Variants in ANKRD66 observed in about 807,000 individuals in gnomAD.
ANKRD66 encodes ankyrin repeat domain 66.
ANKRD66 carries 10 observed loss-of-function variants against 10.9 expected under a neutral mutation model. The observed-to-expected ratio is 0.91, with a 90% CI of 0.56 to 1.55. The LOEUF is 1.55. Ranked by LOEUF, ANKRD66 falls within the 40% of genes most tolerant of loss-of-function variation. ANKRD66 has a pLI of 0.00. For synonymous variants in ANKRD66, 85 were observed against 88.4 expected (o/e 0.96, Z 0.22); for missense variants, 252 against 242.9 (o/e 1.04, Z -0.25).
At position 46,759,250 on chromosome 6, in the gene ANKRD66, C is replaced by A. The variant is rs914121137; in HGVS notation, c.*329C>A. 1.3e-4 allele frequency: 26 copies of A among 192,988 alleles called. No homozygotes were observed. The highest frequency in any genetic ancestry group is 2.4e-4 in the Non-Finnish European group (23 of 95,658). 12.0% of individuals were successfully genotyped at this position (192,988 alleles called of 1,614,324 possible). On this transcript the variant is annotated 3_prime_UTR_variant, in exon 5 of 5. Coordinates refer to ENST00000565422, the MANE Select transcript of ANKRD66 (RefSeq NM_001162435.3). ...CATGAATTAACTTCATCCCTGATAA[C>A]GATCGAGAGATAATGTAAAATAATG...
chr6:46,750,562 A>G (rs1766247943), intron 2 of ANKRD66, among the ~76,000 whole-genome samples: 1 of 150,870 alleles, frequency 6.6e-6, no homozygotes, highest in Non-Finnish European at 1.5e-5. Context: ...ACACACACAC[A>G]TACACACAAG....
rs1766157158 is a variant in ANKRD66, at chr6:46,746,995, G to A, written c.-97+5G>A. The A allele has an allele frequency of 1.3e-6, 2 of 1,535,270 alleles. No individual in the cohort carries two copies. The highest frequency in any genetic ancestry group is 1.7e-6 in the Non-Finnish European group (2 of 1,146,626). ...CCTCAAATTTCACACAAGACAGTAAGTGTTTTTAAGTTACCCTCTCTTATT... is the reference window on the plus strand; with the variant it reads ...CCTCAAATTTCACACAAGACAGTAAATGTTTTTAAGTTACCCTCTCTTATT... On this transcript the variant is annotated splice_donor_5th_base_variant and intron_variant, in intron 1 of 4. Coordinates refer to ENST00000565422, the MANE Select transcript of ANKRD66 (RefSeq NM_001162435.3).
rs144807779 is a variant in ANKRD66 at position 46,749,915 on chromosome 6, T to A, written c.-77T>A. 0.012 allele frequency: 18,805 copies of A among 1,550,612 alleles called. 190 individuals carry two copies. The highest frequency in any genetic ancestry group is 0.034 in the South Asian group (2,895 of 83,972). On this transcript the variant is annotated 5_prime_UTR_variant, in exon 2 of 5. The change abolishes an upstream ATG in the 5' untranslated region. Transcript: ENST00000565422. The stretch of plus-strand genomic sequence containing the variant: ...CTCCAGGGCTGTTCTCACATTTCAA[T>A]GCACTCACCTGGAGGGCTTACCACA...
chr6:46,753,291 G>A (rs1229372629), intron 3 of ANKRD66, among the ~76,000 whole-genome samples: 1 of 152,196 alleles, frequency 6.6e-6, no homozygotes, highest in Non-Finnish European at 1.5e-5. Context: ...CAACTAGAAA[G>A]CCTGTGCTCT....
intron 4 of ANKRD66, chr6:46,757,968 A>T (rs1766414257): frequency 6.6e-6 from 1 of 152,236 alleles, no homozygotes; most frequent in Non-Finnish European, 1.5e-5. Context: ...TTGAAAGGTC[A>T]CTTCCAGCTT....
chr6:46,755,968 C>A, intron 4 of ANKRD66: 1 of 310,158 alleles, frequency 3.2e-6, no homozygotes. Flanking sequence ...TACAGTTCAT[C>A]AGTGTTATGC....
Position 46,749,878 on chromosome 6 carries a change from T to C in ANKRD66, c.-96-18T>C. ...CATTGCATTTTAATTACGTTTACTT[T>C]TCTTTCTCTCCCTCCAGGGCTGTTC... On this transcript the variant is annotated intron_variant, in intron 1 of 4. Transcript: ENST00000565422. The C allele has an allele frequency of 1.3e-6, 2 of 1,545,558 alleles. No individual in the cohort carries two copies. The highest frequency in any genetic ancestry group is 4.0e-5 in the Admixed American group (2 of 50,276).
intron 4 of ANKRD66, 39 bp from the exon 5 acceptor site, chr6:46,758,684 T>A: frequency 6.6e-7 from 1 of 1,510,420 alleles, no homozygotes; most frequent in Non-Finnish European, 8.9e-7. Flanking sequence ...GAACAGGTCC[T>A]CCTGATCCAA....
rs1308119664 is a variant in ANKRD66 at position 46,753,768 on chromosome 6, C to T, written c.210C>T (p.Pro70=). 6.4e-7 allele frequency: 1 copy of T among 1,551,614 alleles called. No individual in the cohort carries two copies. Among genetic ancestry groups the T allele is most frequent in the East Asian group, 2.4e-5 (1 of 40,906 alleles). The part of the protein sequence containing the change: ...IRLLIEYGAR[P]CLVTSVGWTP... ...TCCTGATAGAATATGGAGCCAGGCC[C>T]TGCCTGGTTACTAGTGTGGGCTGGA... Residue 70 remains proline (P), a synonymous_variant, in exon 4 of 5, where the codon CCC becomes CCT. Coordinates refer to ENST00000565422, the MANE Select transcript of ANKRD66 (RefSeq NM_001162435.3).
At chr6:46,753,464 G>A (rs1454095051) in intron 3 of ANKRD66, among the ~76,000 whole-genome samples, 1 of 152,174 alleles carries the variant, frequency 6.6e-6, no homozygotes, top group African/African-American at 2.4e-5. Flanking sequence ...GCACAGGGGA[G>A]GGGAGTGTCC....
chr6:46,751,477 C>T (rs891668047), intron 2 of ANKRD66, among the ~76,000 whole-genome samples: 7 of 152,194 alleles, frequency 4.6e-5, no homozygotes, highest in African/African-American at 1.7e-4. Flanking sequence ...AGTACCTGCT[C>T]TGTATCCAAT....
At chr6:46,747,573 T>C (rs936274476) in intron 1 of ANKRD66, among the ~76,000 whole-genome samples, 2 of 152,246 alleles carry the variant, frequency 1.3e-5, no homozygotes, top group African/African-American at 4.8e-5. Flanking sequence ...CTTCTGTAAC[T>C]GGCTTCTTTC....
chr6:46,752,945 T>C (rs1369804658), intron 3 of ANKRD66, among the ~76,000 whole-genome samples: 2 of 152,244 alleles, frequency 1.3e-5, no homozygotes, highest in Non-Finnish European at 2.9e-5. Context: ...TGGTCAACTT[T>C]GCTTTTTACA....
intron 1 of ANKRD66, among the ~76,000 whole-genome samples, chr6:46,747,320 TACCATAAA>T (rs1224330542): frequency 6.6e-6 from 1 of 152,226 alleles, no homozygotes; most frequent in Non-Finnish European, 1.5e-5. Context: ...ACAATTCACA[TACCATAAA>T]ACTGGATTCA....
At chr6:46,748,881 T>C (rs936099029) in intron 1 of ANKRD66, among the ~76,000 whole-genome samples, 12 of 152,178 alleles carry the variant, frequency 7.9e-5, no homozygotes, top group African/African-American at 2.7e-4. Context: ...GCTAGTACCG[T>C]TGTGAGAACT....
In ANKRD66 at chr6:46,753,760, G is replaced by T; in HGVS notation, c.202G>T (p.Ala68Ser). Residue 68 changes from alanine to serine, a missense_variant, in exon 4 of 5, where the codon GCC (alanine) becomes TCC (serine). Coordinates refer to ENST00000565422, the MANE Select transcript of ANKRD66 (RefSeq NM_001162435.3). ...GATACGGCTCCTGATAGAATATGGA[G>T]CCAGGCCCTGCCTGGTTACTAGTGT... is the stretch of plus-strand genomic sequence containing the variant. Reference protein sequence around the residue: ...EVIRLLIEYGARPCLVTSVGW... With the variant: ...EVIRLLIEYGSRPCLVTSVGW... 6.4e-7 allele frequency: 1 copy of T among 1,551,484 alleles called. No individual in the cohort carries two copies.
chr6:46,758,614 T>C, intron 4 of ANKRD66, 109 bp from the exon 5 acceptor site: 5 of 1,103,814 alleles, frequency 4.5e-6, no homozygotes, highest in Non-Finnish European at 4.9e-6. Context: ...CTTGGCCTCC[T>C]TCCTTCTCAA....
Position 46,753,830 on chromosome 6 carries a change from A to G in ANKRD66, c.272A>G (p.Asn91Ser). 3 of 1,551,688 alleles carry G rather than the reference A, an allele frequency of 1.9e-6. No homozygotes were observed. Among genetic ancestry groups the G allele is most frequent in the Non-Finnish European group, 2.6e-6 (3 of 1,146,996 alleles). Residue 91 changes from asparagine to serine, a missense_variant, in exon 4 of 5, where the codon AAT (asparagine) becomes AGT (serine). Asn to Ser is a conservative substitution (Grantham distance 46, BLOSUM62 1). Transcript: ENST00000565422. Reference protein sequence around the residue: ...AHFAAEAGHLNILKTLHALHA... With the variant: ...AHFAAEAGHLSILKTLHALHA... ...TTTGCAGCAGAAGCAGGCCATCTGAATATACTCAAAACTCTCCATGCATTG... is the reference window on the plus strand; with the variant it reads ...TTTGCAGCAGAAGCAGGCCATCTGAGTATACTCAAAACTCTCCATGCATTG...
intron 1 of ANKRD66, among the ~76,000 whole-genome samples, chr6:46,748,342 A>G (rs1362932): frequency 0.21 from 31,268 of 152,108 alleles, 3,580 homozygotes; most frequent in South Asian, 0.48. Flanking sequence ...TCACCCATGG[A>G]AAGTTATGGA....
Sources: gnomAD v4.1 joint callset for allele counts (sites outside exome capture counted in the v4.1 genomes callset) on GRCh38, gnomAD v4.1.1 for gene constraint, MANE v1.5 for transcripts, NCBI Gene and HGNC (gene_info 2026-07-23, HGNC 2026-07-21) for gene names.